MAP2: variants seen among roughly 807,000 people sequenced by gnomAD.
MAP2 encodes the protein microtubule-associated protein 2.
MAP2 carries 14 observed loss-of-function variants against 137.6 expected under a neutral mutation model. That is an observed-to-expected ratio of 0.10 (90% confidence interval 0.07 to 0.16). MAP2 has a LOEUF of 0.16. Ranked by LOEUF, MAP2 falls within the 10% of genes least tolerant of loss-of-function variation. The pLI, the probability that MAP2 is intolerant of heterozygous loss-of-function variation, is 1.00. For synonymous variants in MAP2, 786 were observed against 782.3 expected (o/e 1.00, Z -0.08); for missense variants, 2,088 against 2,191.5 (o/e 0.95, Z 0.94).
At chr2:209,429,278 A>C (rs191481313) in intron 1 of MAP2, among the ~76,000 whole-genome samples, 57 of 152,262 alleles carry the variant, frequency 3.7e-4, no homozygotes, top group African/African-American at 1.3e-3. Flanking sequence ...TTTTCAGACA[A>C]AAGTAATACA....
intron 4 of MAP2, among the ~76,000 whole-genome samples, chr2:209,644,342 G>A (rs762162924): frequency 3.9e-5 from 6 of 151,948 alleles, no homozygotes; most frequent in Non-Finnish European, 8.8e-5. Flanking sequence ...GACCCTATTC[G>A]TGTCCAGTAG....
At chr2:209,653,520 CCT>C in intron 5 of MAP2, 88 bp downstream of exon 5, 1 of 1,333,688 alleles carries the variant, frequency 7.5e-7, no homozygotes, top group Non-Finnish European at 1.0e-6. Flanking sequence ...CAGCACTGAT[CCT>C]CTTTCACTAG....
intron 1 of MAP2, among the ~76,000 whole-genome samples, chr2:209,478,290 G>A (rs975358334): frequency 3.9e-5 from 6 of 152,240 alleles, no homozygotes; most frequent in African/African-American, 1.4e-4. Context: ...CTTAGCAAGT[G>A]ACTCTCTGTG....
chr2:209,492,655 A>C (rs2059264079), intron 1 of MAP2, among the ~76,000 whole-genome samples: 1 of 152,184 alleles, frequency 6.6e-6, no homozygotes, highest in Admixed American at 6.5e-5. Context: ...ATAGACAGAC[A>C]CAGAGCCAAA....
At chr2:209,453,114 G>A (rs1437230487) in intron 1 of MAP2, among the ~76,000 whole-genome samples, 2 of 152,006 alleles carry the variant, frequency 1.3e-5, no homozygotes, top group Non-Finnish European at 2.9e-5. Flanking sequence ...TGGCTTATAC[G>A]AAAACACAAT....
rs546784416 is a variant in MAP2 at position 209,534,457 on chromosome 2, T to C, written c.-172+26816T>C. On this transcript the variant is annotated intron_variant, in intron 2 of 15. Coordinates refer to ENST00000682079, the MANE Select transcript of MAP2 (RefSeq NM_001375505.1). ...GGGTTATGGTAGTAGTCTAACCTAC[T>C]GGAGGAAACTGTTGTGTACGGGGGT... 5.3e-5 allele frequency among the ~76,000 whole-genome samples: 8 copies of C among 152,220 alleles called. No individual in the cohort carries two copies. In the East Asian group the frequency reaches 1.5e-3, roughly 29 times the overall value.
chr2:209,708,055 C>A (rs1229012609), intron 12 of MAP2, among the ~76,000 whole-genome samples: 1 of 152,136 alleles, frequency 6.6e-6, no homozygotes, highest in African/African-American at 2.4e-5. Flanking sequence ...GCAAAAAATA[C>A]AGGGATGATC....
Position 209,695,757 on chromosome 2 carries a change from T to A in MAP2, c.3587T>A (p.Phe1196Tyr). 2 of 1,613,910 alleles carry A rather than the reference T, an allele frequency of 1.2e-6. No homozygotes were observed. Among genetic ancestry groups the A allele is most frequent in the Non-Finnish European group, 1.7e-6 (2 of 1,179,946 alleles). The stretch of plus-strand genomic sequence containing the variant: ...GAGAGAGCTGATGTCCAGATGGAAT[T>A]TATTCAGGGGCCAAAAGAAGAAAGC... ...TDERADVQME[F>Y]IQGPKEESKE... Residue 1196 changes from phenylalanine to tyrosine, a missense_variant, in exon 8 of 16, where the codon TTT becomes TAT. Transcript: ENST00000682079.
chr2:209,510,042 AAGTC>A (rs1258084956), intron 2 of MAP2, among the ~76,000 whole-genome samples: 5 of 151,760 alleles, frequency 3.3e-5, no homozygotes, highest in Middle Eastern at 3.2e-3. Flanking sequence ...AAAAAAAAAA[AAGTC>A]AGAATGAAAT....
At chr2:209,458,720 TC>T (rs759918999) in intron 1 of MAP2, among the ~76,000 whole-genome samples, 9 of 152,098 alleles carry the variant, frequency 5.9e-5, no homozygotes, top group Non-Finnish European at 1.3e-4. Flanking sequence ...CAAACCTGAA[TC>T]ACACAGGCTG....
Position 209,575,259 on chromosome 2 carries a change from T to A in MAP2, c.-171-4777T>A, listed in dbSNP as rs372549495. Among the ~76,000 whole-genome samples, 9 of 152,142 alleles carry A rather than the reference T, an allele frequency of 5.9e-5. No homozygotes were observed. The South Asian group carries it at 1.0e-3, about 18-fold the overall frequency. On this transcript the variant is annotated intron_variant, in intron 2 of 15. Coordinates refer to ENST00000682079, the MANE Select transcript of MAP2 (RefSeq NM_001375505.1). The stretch of plus-strand genomic sequence containing the variant: ...AAGGAAGGCCGGGTGCGCTGGCTCA[T>A]GCATGTAATCCCAGCACTTTGGGAG...
At chr2:209,481,892 A>G (rs2365657) in intron 1 of MAP2, among the ~76,000 whole-genome samples, 124,655 of 152,202 alleles carry the variant, frequency 0.82, 52,144 homozygotes, top group Non-Finnish European at 0.92. Context: ...CAGCTTCCAC[A>G]AACTTCTGTT....
chr2:209,515,557 T>G (rs918410514), intron 2 of MAP2, among the ~76,000 whole-genome samples: 1 of 152,026 alleles, frequency 6.6e-6, no homozygotes, highest in Non-Finnish European at 1.5e-5. Flanking sequence ...TCAGCTCTTA[T>G]GAGAACTCAC....
intron 4 of MAP2, among the ~76,000 whole-genome samples, chr2:209,643,462 G>C (rs2094182506): frequency 6.6e-6 from 1 of 152,112 alleles, no homozygotes. Context: ...TTCTTTGAGA[G>C]CTTTACAAAT....
intron 2 of MAP2, among the ~76,000 whole-genome samples, chr2:209,560,833 A>G (rs907720736): frequency 2.0e-5 from 3 of 152,152 alleles, no homozygotes; most frequent in African/African-American, 2.4e-5. Flanking sequence ...TAATTTCAAG[A>G]CTTTCTTGCT....
At position 209,695,326 on chromosome 2, in the gene MAP2, C is replaced by T; in HGVS notation, c.3156C>T (p.Asp1052=). The T allele has an allele frequency of 6.2e-7, 1 of 1,614,008 alleles. No individual in the cohort carries two copies. Residue 1052 remains aspartate, a synonymous_variant, in exon 8 of 16, where the codon GAC becomes GAT. Transcript: ENST00000682079. ...VQGQLDVKIS[D]FGQMASGLNI... The stretch of plus-strand genomic sequence containing the variant: ...GTCAACTAGATGTTAAAATTAGTGA[C>T]TTTGGACAGATGGCTTCAGGGCTAA...
chr2:209,545,625 A>G (rs2067899870), intron 2 of MAP2, among the ~76,000 whole-genome samples: 1 of 152,220 alleles, frequency 6.6e-6, no homozygotes, highest in Admixed American at 6.5e-5. Flanking sequence ...ATAACAAATC[A>G]AAATAAAACC....
chr2:209,561,992 T>C (rs2072223374), intron 2 of MAP2, among the ~76,000 whole-genome samples: 1 of 152,178 alleles, frequency 6.6e-6, no homozygotes, highest in East Asian at 1.9e-4. Flanking sequence ...CAAGGAAATG[T>C]CATTTTGTTT....
intron 3 of MAP2, among the ~76,000 whole-genome samples, chr2:209,581,509 C>A (rs971718751): frequency 5.3e-5 from 8 of 152,136 alleles, no homozygotes; most frequent in Admixed American, 5.2e-4. Context: ...AGGATTATTT[C>A]ACCTAGATAT....
Sources: gnomAD v4.1 joint callset for allele counts (sites outside exome capture counted in the v4.1 genomes callset) on GRCh38, gnomAD v4.1.1 for gene constraint, MANE v1.5 for transcripts, NCBI Gene and HGNC (gene_info 2026-07-23, HGNC 2026-07-21) for gene names.